SKOR2: variants seen among roughly 807,000 people sequenced by gnomAD.
SKOR2 encodes the protein LBX1 corepressor 1-like protein.
In SKOR2, 47 loss-of-function variants were observed where a neutral mutation model predicts 69.1. The ratio of observed to expected loss-of-function variants is 0.68; its 90% CI spans 0.54 to 0.87. The LOEUF (loss-of-function observed/expected upper bound fraction) is 0.87. Ranked by LOEUF, SKOR2 falls within the 40% of genes least tolerant of loss-of-function variation. The probability of loss-of-function intolerance (pLI) is 0.00; values close to 1 mark genes in which losing one functional copy is unlikely to be tolerated. For missense variants in SKOR2, 1,404 were observed against 1,472.2 expected, an observed-to-expected ratio of 0.95 and a Z score of 0.76; for synonymous variants, 717 against 672.6, an observed-to-expected ratio of 1.07 and a Z score of -1.02.
Position 47,245,478 on chromosome 18 carries a change from A to ATTTTTTTTTTTTTATTTTTTTTT in SKOR2, c.2677+19_2677+20insAAAAAAAAATAAAAAAAAAAAAA. The ATTTTTTTTTTTTTATTTTTTTTT allele has an allele frequency of 1.3e-6, 1 of 785,128 alleles. No homozygotes were observed. The highest frequency in any genetic ancestry group is 1.7e-6 in the Non-Finnish European group (1 of 592,668). The allele number at this position is 785,128 out of a possible 1,614,324, so 48.6% of individuals were successfully genotyped here. On this transcript the variant is annotated intron_variant, in intron 3 of 8. Coordinates refer to ENST00000425639, the MANE Select transcript of SKOR2 (RefSeq NM_001278063.4). ...ATGCAGGCAAGAAAAGTGGCAGCTG[A>ATTTTTTTTTTTTTATTTTTTTTT]TTTTTTTTTTTTTTTTTACCTGAAA...
At chr18:47,231,886 C>A (rs1257682090) in intron 4 of SKOR2, among the ~76,000 whole-genome samples, 1 of 149,192 alleles carries the variant, frequency 6.7e-6, no homozygotes. Context: ...TGTGGTGACT[C>A]ACATCTGTAA....
chr18:47,224,606 A>G (rs1022561250), intron 6 of SKOR2, among the ~76,000 whole-genome samples: 24 of 139,246 alleles, frequency 1.7e-4, no homozygotes, highest in African/African-American at 6.2e-4. Context: ...CTCTATTTTT[A>G]AAGAACCATT....
chr18:47,228,550 G>C (rs2064186649), intron 6 of SKOR2, among the ~76,000 whole-genome samples: 1 of 152,152 alleles, frequency 6.6e-6, no homozygotes, highest in South Asian at 2.1e-4. Context: ...GACTACAGAG[G>C]TTTCATAGGG....
chr18:47,242,922 G>A (rs2064255340), intron 4 of SKOR2, among the ~76,000 whole-genome samples: 1 of 152,068 alleles, frequency 6.6e-6, no homozygotes, highest in African/African-American at 2.4e-5. Flanking sequence ...GCCTCTGAAT[G>A]GGTCATGTTA....
At chr18:47,226,173 A>T (rs1002019569) in intron 6 of SKOR2, among the ~76,000 whole-genome samples, 1 of 152,194 alleles carries the variant, frequency 6.6e-6, no homozygotes, top group African/African-American at 2.4e-5. Flanking sequence ...TAAAAACTAC[A>T]GCAAAACGAT....
rs1218697136 is a variant in SKOR2, at chr18:47,248,399, G to C, written c.785C>G (p.Ala262Gly). Residue 262 changes from alanine (A) to glycine (G), a missense_variant, in exon 2 of 9, where the codon GCC (alanine) becomes GGC (glycine). Transcript: ENST00000425639. This position sits in a 1 kb window ranked among gnomAD's most constrained non-coding sequence, Gnocchi z 6.4. Reference protein sequence around the residue: ...ACHPLSSVKAAAVAAAAAVAG... With the variant: ...ACHPLSSVKAGAVAAAAAVAG... The stretch of plus-strand genomic sequence containing the variant: ...CACCGCGGCCGCGGCGGCCACGGCG[G>C]CCGCCTTCACAGAGCTGAGCGGGTG... 21 of 1,376,414 alleles carry C rather than the reference G, an allele frequency of 1.5e-5. No homozygotes were observed. Among genetic ancestry groups the C allele is most frequent in the Non-Finnish European group, 1.9e-5 (20 of 1,075,750 alleles). 85.3% of individuals were successfully genotyped at this position (1,376,414 alleles called of 1,614,324 possible).
At chr18:47,209,563 G>A (rs1011733791) in intron 8 of SKOR2, among the ~76,000 whole-genome samples, 1 of 152,128 alleles carries the variant, frequency 6.6e-6, no homozygotes, top group East Asian at 1.9e-4. Context: ...AGAAATCCCT[G>A]TTGTCTGCAA....
intron 4 of SKOR2, among the ~76,000 whole-genome samples, chr18:47,241,847 A>G (rs550848622): frequency 6.6e-6 from 1 of 152,326 alleles, no homozygotes; most frequent in East Asian, 1.9e-4. Context: ...TGAAACTGTG[A>G]TATGGAAAAA....
chr18:47,235,748 A>G, intron 4 of SKOR2, among the ~76,000 whole-genome samples: 1 of 137,948 alleles, frequency 7.2e-6, no homozygotes, highest in Middle Eastern at 3.8e-3. Flanking sequence ...GCAAATGAGG[A>G]GGAGATGGAC....
At chr18:47,243,495 A>G (rs1426642042) in intron 4 of SKOR2, among the ~76,000 whole-genome samples, 2 of 152,228 alleles carry the variant, frequency 1.3e-5, no homozygotes, top group African/African-American at 4.8e-5. Context: ...TTACAGAATC[A>G]ATTGAATAGA....
In SKOR2 at chr18:47,249,121, G is replaced by T; in HGVS notation, c.63C>A (p.Phe21Leu). The change falls in exon 2 of 9, where the codon TTC (phenylalanine) becomes TTA (leucine). Residue 21 changes from phenylalanine to leucine, a missense_variant. Physicochemically the swap from Phe to Leu is conservative, Grantham distance 22. This residue lies in a region of SKOR2 where 104 missense variants were observed against 95.7 expected (regional missense o/e 1.09). Transcript: ENST00000425639. ...GCGGCTGGCTCAGCGTGTCGGGCTG[G>T]AAGGCGCTCGACGGCGACGCCAGCA... ...DILLASPSSA[F>L]QPDTLSQPRP... 1 of 1,536,026 alleles carries T rather than the reference G, an allele frequency of 6.5e-7. No individual in the cohort carries two copies. Among genetic ancestry groups the T allele is most frequent in the Non-Finnish European group, 8.7e-7 (1 of 1,146,820 alleles).
Position 47,247,659 on chromosome 18 carries a change from C to A in SKOR2, c.1525G>T (p.Ala509Ser). The A allele has an allele frequency of 7.3e-7, 1 of 1,366,844 alleles. No individual in the cohort carries two copies. The allele number at this position is 1,366,844 out of a possible 1,614,324, so 84.7% of individuals were successfully genotyped here. The change falls in exon 2 of 9, where the codon GCC (alanine) becomes TCC (serine). Residue 509 changes from alanine to serine, a missense_variant. Ala to Ser is a moderately conservative substitution (Grantham distance 99). Coordinates refer to ENST00000425639, the MANE Select transcript of SKOR2 (RefSeq NM_001278063.4). This position sits in a 1 kb window ranked among gnomAD's most constrained non-coding sequence, Gnocchi z 6.6. ...CCTGGCTCAGCCAGGTCCAGGAAGG[C>A]CTGGCGCAGCAGGGCCGGGCTTTCG... The part of the protein sequence containing the change: ...LGESPALLRQ[A>S]FLDLAEPGGA...
intron 7 of SKOR2, among the ~76,000 whole-genome samples, chr18:47,218,447 G>A (rs2064150898): frequency 6.6e-6 from 1 of 151,780 alleles, no homozygotes; most frequent in Non-Finnish European, 1.5e-5. Context: ...AAAATTAATC[G>A]GGTGTGGTGG....
chr18:47,245,448 G>C, intron 3 of SKOR2, 50 bp downstream of exon 3: 3 of 1,439,196 alleles, frequency 2.1e-6, no homozygotes, highest in Middle Eastern at 1.9e-4. Flanking sequence ...CACAGAAATG[G>C]TTAAATGCAG....
chr18:47,248,072 C>A lies in SKOR2; in HGVS notation c.1112G>T (p.Gly371Val). The change falls in exon 2 of 9, where the codon GGG becomes GTG. Residue 371 changes from glycine (G) to valine (V), a missense_variant. Transcript: ENST00000425639. This position sits in a 1 kb window ranked among gnomAD's most constrained non-coding sequence, Gnocchi z 6.4. ...GVGAGAGAGA[G>V]AGAKGPRSYP... ...GCTGCGCGGGCCTTTGGCCCCTGCCCCGGCACCCGCCCCCGCGCCCGCGCC... is the reference window on the plus strand; with the variant it reads ...GCTGCGCGGGCCTTTGGCCCCTGCCACGGCACCCGCCCCCGCGCCCGCGCC... The A allele has an allele frequency of 7.1e-7, 1 of 1,402,466 alleles. No individual in the cohort carries two copies. Among genetic ancestry groups the A allele is most frequent in the Non-Finnish European group, 9.3e-7 (1 of 1,079,522 alleles). 86.9% of individuals were successfully genotyped at this position (1,402,466 alleles called of 1,614,324 possible).
intron 7 of SKOR2, 28 bp from the exon 8 acceptor site, chr18:47,212,179 C>T (rs946210273): frequency 1.1e-5 from 14 of 1,231,672 alleles, no homozygotes; most frequent in Non-Finnish European, 1.4e-5. Flanking sequence ...GCAACACCAT[C>T]CAGGTAAGCT....
rs537832387 is a variant in SKOR2, at chr18:47,218,315, T to C, written c.2985+1628A>G. 2.7e-3 allele frequency among the ~76,000 whole-genome samples: 415 copies of C among 152,130 alleles called. 1 individual carries two copies. Among genetic ancestry groups the C allele is most frequent in the Middle Eastern group, 0.01 (3 of 294 alleles). On this transcript the variant is annotated intron_variant, in intron 7 of 8. Coordinates refer to ENST00000425639, the MANE Select transcript of SKOR2 (RefSeq NM_001278063.4). ...TTTAAGAGTATGAAAATGGGCTGGG[T>C]GCAGTGGTTCATGCCTGTAATCCCA...
chr18:47,206,372 C>T lies in SKOR2; in HGVS notation c.*524G>A, dbSNP rs1189666319. 6.6e-6 allele frequency: 1 copy of T among 152,136 alleles called. No homozygotes were observed. Among genetic ancestry groups the T allele is most frequent in the Non-Finnish European group, 1.5e-5 (1 of 68,038 alleles). The allele number at this position is 152,136 out of a possible 1,614,324, so 9.4% of individuals were successfully genotyped here. Reference sequence around the variant, plus strand: ...AGGAAGGGGCCACATGTAAGTCTGTCCAGTTTGCTATGAAAAGCAGGTTTG... The same window carrying T: ...AGGAAGGGGCCACATGTAAGTCTGTTCAGTTTGCTATGAAAAGCAGGTTTG... On this transcript the variant is annotated 3_prime_UTR_variant, in exon 9 of 9. Coordinates refer to ENST00000425639, the MANE Select transcript of SKOR2 (RefSeq NM_001278063.4).
chr18:47,221,384 C>G (rs868353548), intron 6 of SKOR2, among the ~76,000 whole-genome samples: 1 of 152,112 alleles, frequency 6.6e-6, no homozygotes, highest in Non-Finnish European at 1.5e-5. Context: ...TGAGCAGACA[C>G]GTGGAGAACA....
Sources: gnomAD v4.1 joint callset for allele counts (sites outside exome capture counted in the v4.1 genomes callset) on GRCh38, gnomAD v4.1.1 for gene constraint, gnomAD v4.1.1 regional missense constraint, Gnocchi (gnomAD v3.1) non-coding constraint, MANE v1.5 for transcripts, NCBI Gene and HGNC (gene_info 2026-07-23, HGNC 2026-07-21) for gene names.